Variants in CACNA1A observed in about 807,000 individuals in gnomAD.
CACNA1A encodes voltage-dependent P/Q-type calcium channel subunit alpha-1A.
CACNA1A carries 57 observed loss-of-function variants against 262.4 expected under a neutral mutation model. The observed-to-expected ratio is 0.22, with a 90% CI of 0.18 to 0.27. The LOEUF is 0.27. CACNA1A is among the 10% of genes least tolerant of loss of function. The pLI, the probability that CACNA1A is intolerant of heterozygous loss-of-function variation, is 1.00. For synonymous variants in CACNA1A, 1,431 were observed against 1,419.3 expected (o/e 1.01, Z -0.18); for missense variants, 2,526 against 3,562.8 (o/e 0.71, Z 7.41).
chr19:13,453,873 G>T (rs1862262), intron 2 of CACNA1A, among the ~76,000 whole-genome samples: 50,091 of 151,812 alleles, frequency 0.33, 10,245 homozygotes, highest in East Asian at 0.59. Flanking sequence ...TTCAATGGAC[G>T]CTTTTTATTT....
At chr19:13,325,824 C>A (rs1433779332) in intron 10 of CACNA1A, among the ~76,000 whole-genome samples, 1 of 152,112 alleles carries the variant, frequency 6.6e-6, no homozygotes, top group Non-Finnish European at 1.5e-5. Flanking sequence ...ATATTTTGAC[C>A]ATATGTATAC....
At chr19:13,247,038 G>A (rs1399361669) in intron 30 of CACNA1A, among the ~76,000 whole-genome samples, 1 of 152,220 alleles carries the variant, frequency 6.6e-6, no homozygotes, top group Non-Finnish European at 1.5e-5. Flanking sequence ...TACTGACATG[G>A]TGATGGGTGG....
intron 6 of CACNA1A, among the ~76,000 whole-genome samples, chr19:13,355,327 T>G (rs1374855711): frequency 1.3e-5 from 2 of 152,220 alleles, no homozygotes; most frequent in African/African-American, 4.8e-5. Context: ...TGTTGTCAGC[T>G]CTGCTAACAT....
chr19:13,285,322 G>C lies in CACNA1A; in HGVS notation c.3554-116C>G, dbSNP rs2057375820. 2.8e-6 allele frequency: 3 copies of C among 1,054,626 alleles called. No homozygotes were observed. The South Asian group carries it at 4.7e-5, about 17-fold the overall frequency. The allele number at this position is 1,054,626 out of a possible 1,614,324, so 65.3% of individuals were successfully genotyped here. A position where few individuals can be genotyped will look rare whatever the true frequency, so the allele number is the denominator to read the frequency against. Reference sequence around the variant, plus strand: ...GGCTGACATTTCTAAAGTGCCTGCTGTATATACCAGGCATCTTATGACATC... The same window carrying C: ...GGCTGACATTTCTAAAGTGCCTGCTCTATATACCAGGCATCTTATGACATC... On this transcript the variant is annotated intron_variant, in intron 20 of 46. Transcript: ENST00000360228.
intron 30 of CACNA1A, among the ~76,000 whole-genome samples, chr19:13,248,607 C>T (rs915979127): frequency 1.3e-5 from 2 of 151,910 alleles, no homozygotes; most frequent in Non-Finnish European, 2.9e-5. Context: ...CTTTGGGAGG[C>T]CGAGGCAGGC....
Position 13,356,523 on chromosome 19 carries a change from T to C in CACNA1A, c.978+3083A>G, listed in dbSNP as rs1002761967. ...TAGAGGCTTCCAAGGGAAACACCCATTGGACAATGATGTTTATAACCGAGC... is the reference window on the plus strand; with the variant it reads ...TAGAGGCTTCCAAGGGAAACACCCACTGGACAATGATGTTTATAACCGAGC... On this transcript the variant is annotated intron_variant, in intron 6 of 46. Coordinates refer to ENST00000360228, the MANE Select transcript of CACNA1A (RefSeq NM_001127222.2). Among the ~76,000 whole-genome samples, 9 of 152,186 alleles carry C rather than the reference T, an allele frequency of 5.9e-5. No individual in the cohort carries two copies. In the East Asian group the frequency reaches 1.2e-3, roughly 20 times the overall value.
rs573941336 is a variant in CACNA1A, at chr19:13,298,598, G to T, written c.3035C>A (p.Thr1012Lys). ...CTCCCTCCGCGCGTCCCCCTCGTAC[G>T]TGGCTGGAGCGCCATGCCGGTGCCT... Reference protein sequence around the residue: ...RRRHRHGAPATYEGDARREDK... With the variant: ...RRRHRHGAPAKYEGDARREDK... The change falls in exon 19 of 47, where the codon ACG becomes AAG. Residue 1012 changes from threonine to lysine, a missense_variant. Transcript: ENST00000360228. The T allele has an allele frequency of 4.0e-5, 62 of 1,540,248 alleles. No individual in the cohort carries two copies. The Admixed American group carries it at 1.2e-3, about 31-fold the overall frequency.
chr19:13,397,553 T>G (rs1218993132), intron 3 of CACNA1A, among the ~76,000 whole-genome samples: 1 of 152,232 alleles, frequency 6.6e-6, no homozygotes, highest in Non-Finnish European at 1.5e-5. Context: ...CTCTCCTTCC[T>G]GGATGCTCAG....
At position 13,506,037 on chromosome 19, in the gene CACNA1A, T is replaced by C; in HGVS notation, c.188A>G (p.Asn63Ser). ...AQRARTMALY[N>S]PIPVRQNCLT... ...GCAGTTCTGTCGGACGGGGATGGGG[T>C]TGTAGAGTGCCATGGTCCGCGCTCT... Residue 63 changes from asparagine to serine, a missense_variant, in exon 1 of 47, where the codon AAC (asparagine) becomes AGC (serine). Asn to Ser is a conservative substitution (Grantham distance 46). This residue lies in a region of CACNA1A where 77 missense variants were observed against 228.4 expected (regional missense o/e 0.34). Transcript: ENST00000360228. 6.2e-7 allele frequency: 1 copy of C among 1,613,560 alleles called. No homozygotes were observed. The highest frequency in any genetic ancestry group is 8.5e-7 in the Non-Finnish European group (1 of 1,179,770).
In CACNA1A at chr19:13,207,678, C is replaced by T. The variant is rs758230368; in HGVS notation, c.7156G>A (p.Gly2386Ser). 4 of 1,427,012 alleles carry T rather than the reference C, an allele frequency of 2.8e-6. No homozygotes were observed. The highest frequency in any genetic ancestry group is 1.4e-5 in the South Asian group (1 of 72,028). The allele number at this position is 1,427,012 out of a possible 1,614,324, so 88.4% of individuals were successfully genotyped here. A position where few individuals can be genotyped will look rare whatever the true frequency, so the allele number is the denominator to read the frequency against. The change falls in exon 47 of 47, where the codon GGC becomes AGC. Residue 2386 changes from glycine to serine, a missense_variant. Coordinates refer to ENST00000360228, the MANE Select transcript of CACNA1A (RefSeq NM_001127222.2). The surrounding 1 kb of genome is among the most constrained non-coding windows in gnomAD (Gnocchi z 5.7). ...RSESPRACRHGGARWPASGPH... is the reference protein window; with the variant it reads ...RSESPRACRHSGARWPASGPH... Reference sequence around the variant, plus strand: ...CCAGATGCCGGCCACCGGGCCCCGCCGTGTCGACAGGCCCTGGGGGACTCG... The same window carrying T: ...CCAGATGCCGGCCACCGGGCCCCGCTGTGTCGACAGGCCCTGGGGGACTCG...
Position 13,257,505 on chromosome 19 carries a change from T to TG in CACNA1A, c.4434dup (p.Ser1479GlnfsTer52). ...GACATCTCCATGCGGTACCCGGGGC[T>TG]GGGGCCCTGGTTCTCAAAGGTGGCG... is the stretch of plus-strand genomic sequence containing the variant. On this transcript the variant is annotated frameshift_variant, in exon 28 of 47. Transcript: ENST00000360228. LOFTEE classifies it high-confidence loss of function. The TG allele has an allele frequency of 6.2e-7, 1 of 1,602,720 alleles. No homozygotes were observed. Among genetic ancestry groups the TG allele is most frequent in the Non-Finnish European group, 8.5e-7 (1 of 1,174,170 alleles).
At chr19:13,467,681 T>C (rs2061277061) in intron 1 of CACNA1A, among the ~76,000 whole-genome samples, 1 of 151,114 alleles carries the variant, frequency 6.6e-6, no homozygotes. Flanking sequence ...CTCGGCTCAC[T>C]GCAGCCTCTG....
rs1007124579 is a variant in CACNA1A, at chr19:13,241,353, A to G, written c.4950+3829T>C. ...ACAGAGTCTACAGGAAGTGGGAGGC[A>G]CAGGGGCTGGGGGCGGGAGGACAGA... On this transcript the variant is annotated intron_variant, in intron 31 of 46. Transcript: ENST00000360228. This position sits in a 1 kb window ranked among gnomAD's most constrained non-coding sequence, Gnocchi z 4.0. Among the ~76,000 whole-genome samples the G allele has an allele frequency of 1.3e-5, 2 of 152,132 alleles. No individual in the cohort carries two copies. Among genetic ancestry groups the G allele is most frequent in the Non-Finnish European group, 2.9e-5 (2 of 68,026 alleles).
chr19:13,379,741 T>C (rs1033631450), intron 3 of CACNA1A, among the ~76,000 whole-genome samples: 2 of 147,524 alleles, frequency 1.4e-5, no homozygotes, highest in Non-Finnish European at 1.5e-5. Context: ...CTGGCCAATA[T>C]GGTGAAAACC....
chr19:13,417,812 C>A (rs542734856), intron 3 of CACNA1A, among the ~76,000 whole-genome samples: 70 of 151,176 alleles, frequency 4.6e-4, no homozygotes, highest in African/African-American at 1.6e-3. Flanking sequence ...ATCGCTTGAA[C>A]CCGGGAGGTG....
Position 13,227,335 on chromosome 19 carries a change from C to T in CACNA1A, c.5625+96G>A, listed in dbSNP as rs757194966. On this transcript the variant is annotated intron_variant, in intron 37 of 46. Coordinates refer to ENST00000360228, the MANE Select transcript of CACNA1A (RefSeq NM_001127222.2). ...AAGAGAAACGTTGGAAAAAGAGAGT[C>T]GGCCGGGTGTTTCTGGTCAGCACTA... 1.7e-5 allele frequency: 9 copies of T among 538,244 alleles called. No homozygotes were observed. The South Asian group carries it at 2.0e-4, about 12-fold the overall frequency. The allele number at this position is 538,244 out of a possible 1,614,324, so 33.3% of individuals were successfully genotyped here.
intron 6 of CACNA1A, among the ~76,000 whole-genome samples, chr19:13,355,750 T>C (rs531654566): frequency 6.6e-6 from 1 of 152,204 alleles, no homozygotes; most frequent in Non-Finnish European, 1.5e-5. Context: ...CTTGGTCTTC[T>C]GACCCAGGGT....
At chr19:13,293,900 C>T (rs116731623) in intron 19 of CACNA1A, among the ~76,000 whole-genome samples, 7 of 152,146 alleles carry the variant, frequency 4.6e-5, no homozygotes, top group African/African-American at 1.7e-4. Flanking sequence ...CTGCCTGCCC[C>T]AAAGTCCTTG....
chr19:13,381,297 C>T (rs2059520254), intron 3 of CACNA1A, among the ~76,000 whole-genome samples: 1 of 152,092 alleles, frequency 6.6e-6, no homozygotes, highest in Non-Finnish European at 1.5e-5. Flanking sequence ...ACTCGGGAGG[C>T]TGTTGGTGGG....
Sources: gnomAD v4.1 joint callset for allele counts (sites outside exome capture counted in the v4.1 genomes callset) on GRCh38, gnomAD v4.1.1 for gene constraint, gnomAD v4.1.1 regional missense constraint, Gnocchi (gnomAD v3.1) non-coding constraint, MANE v1.5 for transcripts, NCBI Gene and HGNC (gene_info 2026-07-23, HGNC 2026-07-21) for gene names.